PID1: variants seen among roughly 807,000 people sequenced by gnomAD.
PID1 encodes the protein phosphotyrosine interaction domain containing 1.
A neutral mutation model predicts 19.1 loss-of-function variants in PID1; 10 were observed. That is an observed-to-expected ratio of 0.52 (90% CI 0.32 to 0.89). The LOEUF is 0.89. PID1 is among the 40% of genes least tolerant of loss of function. The probability of loss-of-function intolerance (pLI) is 0.03; values close to 1 mark genes in which losing one functional copy is unlikely to be tolerated. For synonymous variants in PID1, 130 were observed against 116.0 expected, an observed-to-expected ratio of 1.12 and a Z score of -0.78; for missense variants, 248 against 285.3, an observed-to-expected ratio of 0.87 and a Z score of 0.94.
Position 229,074,575 on chromosome 2 carries a change from C to T in PID1, c.178-48467G>A, listed in dbSNP as rs540615042. Among the ~76,000 whole-genome samples, 6 of 152,208 alleles carry T rather than the reference C, an allele frequency of 3.9e-5. No homozygotes were observed. The East Asian group carries it at 1.2e-3, about 29-fold the overall frequency. On this transcript the variant is annotated intron_variant, in intron 2 of 2. Transcript: ENST00000392055. Reference sequence around the variant, plus strand: ...TGGTAATACTTTTATTGATTAAATACTATCTCATGATTCTTCATAATTCTT... The same window carrying T: ...TGGTAATACTTTTATTGATTAAATATTATCTCATGATTCTTCATAATTCTT...
At chr2:229,031,407 A>T (rs572871405) in intron 2 of PID1, among the ~76,000 whole-genome samples, 2 of 151,592 alleles carry the variant, frequency 1.3e-5, no homozygotes, top group East Asian at 3.9e-4. Context: ...AAATACAAAA[A>T]TTAGCTGGGT....
chr2:229,203,781 G>A (rs2106242907), intron 1 of PID1, among the ~76,000 whole-genome samples: 1 of 152,164 alleles, frequency 6.6e-6, no homozygotes, highest in African/African-American at 2.4e-5. Flanking sequence ...TTTGGCCAAG[G>A]CTTTGCACAT....
At chr2:229,043,449 GA>G (rs565503769) in intron 2 of PID1, among the ~76,000 whole-genome samples, 6 of 150,726 alleles carry the variant, frequency 4.0e-5, no homozygotes, top group Admixed American at 2.6e-4. Context: ...CTTAAGAGAA[GA>G]AAAAAAAAGA....
At chr2:229,082,678 G>A (rs1196409275) in intron 2 of PID1, among the ~76,000 whole-genome samples, 1 of 152,150 alleles carries the variant, frequency 6.6e-6, no homozygotes, top group African/African-American at 2.4e-5. Context: ...AACAGCCAGT[G>A]ATGAAACAAG....
In PID1 at chr2:229,262,927, C is replaced by T. The variant is rs1021466811; in HGVS notation, c.30+8087G>A. On this transcript the variant is annotated intron_variant, in intron 1 of 2. Coordinates refer to ENST00000392055, the MANE Select transcript of PID1 (RefSeq NM_001100818.2). The stretch of plus-strand genomic sequence containing the variant: ...GACATTAGTCATTGGCTCTAGGGTT[C>T]ACCCTAATTCAATATGACCTCATCT... The T allele has an allele frequency of 2.1e-6, 3 of 1,433,398 alleles. No individual in the cohort carries two copies. The Admixed American group carries it at 8.4e-5, about 40-fold the overall frequency. 88.8% of individuals were successfully genotyped at this position (1,433,398 alleles called of 1,614,324 possible).
chr2:229,110,777 C>A lies in PID1; in HGVS notation c.177+45041G>T, dbSNP rs183667437. Among the ~76,000 whole-genome samples the A allele has an allele frequency of 2.8e-3, 427 of 152,230 alleles. 2 individuals carry two copies. The highest frequency in any genetic ancestry group is 4.9e-3 in the Admixed American group (75 of 15,280). ...TGGGATGTTGGTGGTACCCATAGGACAGGAAGGATGCATAGTCAGTGCCAT... is the reference window on the plus strand; with the variant it reads ...TGGGATGTTGGTGGTACCCATAGGAAAGGAAGGATGCATAGTCAGTGCCAT... On this transcript the variant is annotated intron_variant, in intron 2 of 2. Coordinates refer to ENST00000392055, the MANE Select transcript of PID1 (RefSeq NM_001100818.2).
chr2:229,071,925 C>A (rs1478630075), intron 2 of PID1, among the ~76,000 whole-genome samples: 2 of 152,152 alleles, frequency 1.3e-5, no homozygotes, highest in Admixed American at 6.5e-5. Context: ...ATTTTCTATG[C>A]CATCCTTATA....
intron 1 of PID1, among the ~76,000 whole-genome samples, chr2:229,204,701 G>T (rs1195604941): frequency 6.6e-6 from 1 of 152,076 alleles, no homozygotes; most frequent in African/African-American, 2.4e-5. Context: ...GACCCAAATG[G>T]TCCTGATGCG....
chr2:229,105,805 C>A (rs1695165553), intron 2 of PID1, among the ~76,000 whole-genome samples: 1 of 152,184 alleles, frequency 6.6e-6, no homozygotes, highest in African/African-American at 2.4e-5. Flanking sequence ...CATGGCTGGG[C>A]ACAGTGGCTC....
At chr2:229,144,128 G>A (rs1234302769) in intron 2 of PID1, among the ~76,000 whole-genome samples, 3 of 152,142 alleles carry the variant, frequency 2.0e-5, no homozygotes, top group Non-Finnish European at 4.4e-5. Context: ...GTGAAAAGTT[G>A]AGAGTAAAAT....
intron 1 of PID1, among the ~76,000 whole-genome samples, chr2:229,212,970 C>T (rs1296179730): frequency 6.6e-6 from 1 of 152,052 alleles, no homozygotes; most frequent in Non-Finnish European, 1.5e-5. Flanking sequence ...AAATTGAACC[C>T]CTTTTGTAAC....
At position 229,265,871 on chromosome 2, in the gene PID1, C is replaced by G. The variant is rs968102934; in HGVS notation, c.30+5143G>C. On this transcript the variant is annotated intron_variant, in intron 1 of 2. Transcript: ENST00000392055. Reference sequence around the variant, plus strand: ...GAGGGACCTAATCTGGAACATCAAACAAAATGCAAAAGTTGCCTAACACTC... The same window carrying G: ...GAGGGACCTAATCTGGAACATCAAAGAAAATGCAAAAGTTGCCTAACACTC... Among the ~76,000 whole-genome samples the G allele has an allele frequency of 3.3e-5, 5 of 152,106 alleles. No individual in the cohort carries two copies. In the South Asian group the frequency reaches 1.0e-3, roughly 32 times the overall value.
intron 2 of PID1, among the ~76,000 whole-genome samples, chr2:229,064,906 G>T (rs887538465): frequency 3.3e-5 from 5 of 152,140 alleles, no homozygotes; most frequent in African/African-American, 9.7e-5. Context: ...TGGAAAATAT[G>T]CTGGAGTCAT....
intron 1 of PID1, among the ~76,000 whole-genome samples, chr2:229,217,226 T>A (rs982240372): frequency 6.6e-6 from 1 of 152,334 alleles, no homozygotes; most frequent in Non-Finnish European, 1.5e-5. Context: ...GAACACTCCA[T>A]CAAAATGAAA....
intron 1 of PID1, among the ~76,000 whole-genome samples, chr2:229,165,321 C>T (rs918418475): frequency 1.3e-5 from 2 of 152,120 alleles, no homozygotes; most frequent in South Asian, 2.1e-4. Flanking sequence ...CAGACAAGGC[C>T]GGGCATGGTG....
intron 2 of PID1, among the ~76,000 whole-genome samples, chr2:229,059,775 G>A (rs528161220): frequency 2.0e-5 from 3 of 152,172 alleles, no homozygotes; most frequent in South Asian, 2.1e-4. Context: ...CTCACCTTGC[G>A]ACATCCCCCA....
At chr2:229,143,772 A>G (rs1027322952) in intron 2 of PID1, among the ~76,000 whole-genome samples, 11 of 151,986 alleles carry the variant, frequency 7.2e-5, no homozygotes, top group Non-Finnish European at 1.2e-4. Context: ...GATGGTTTAT[A>G]AGTGTGGCAC....
At chr2:229,156,110 G>C in intron 1 of PID1, 146 bp from the exon 2 acceptor site, 2 of 664,268 alleles carry the variant, frequency 3.0e-6, no homozygotes, top group South Asian at 1.9e-5. Flanking sequence ...ACAGAGGAGG[G>C]GGAACTGTGT....
intron 2 of PID1, among the ~76,000 whole-genome samples, chr2:229,111,843 T>C (rs1201073561): frequency 6.6e-6 from 1 of 152,154 alleles, no homozygotes; most frequent in Non-Finnish European, 1.5e-5. Flanking sequence ...TTAAATGACA[T>C]CAAAATAGGA....
Sources: allele counts gnomAD v4.1 joint callset (sites outside exome capture counted in the v4.1 genomes callset), GRCh38; gene constraint gnomAD v4.1.1; transcripts MANE v1.5; gene names NCBI Gene and HGNC (gene_info 2026-07-23, HGNC 2026-07-21).